The following SUCLG2 variants were observed in gnomAD, a reference collection of about 807,000 sequenced individuals.
SUCLG2 encodes succinate-CoA ligase GDP-forming subunit beta.
SUCLG2 carries 42 observed loss-of-function variants against 47.9 expected under a neutral mutation model. The observed-to-expected ratio is 0.88, with a 90% CI of 0.69 to 1.14. SUCLG2 has a LOEUF of 1.14. Ranked by LOEUF, SUCLG2 falls within the 50% of genes most tolerant of loss-of-function variation. The pLI is 0.00. For synonymous variants in SUCLG2, 195 were observed against 197.3 expected (o/e 0.99, Z 0.10); for missense variants, 571 against 525.9 (o/e 1.09, Z -0.84).
intron 9 of SUCLG2, among the ~76,000 whole-genome samples, chr3:67,415,931 C>A (rs1235877242): frequency 1.3e-5 from 2 of 152,178 alleles, no homozygotes; most frequent in African/African-American, 4.8e-5. Context: ...TATTTGTTCT[C>A]TCTCTTGGAT....
chr3:67,438,089 C>T (rs139410963), intron 9 of SUCLG2, among the ~76,000 whole-genome samples: 54 of 152,242 alleles, frequency 3.5e-4, no homozygotes, highest in African/African-American at 1.1e-3. Flanking sequence ...CTCAAAACCA[C>T]GCAACTACGT....
At chr3:67,576,509 A>G (rs893716258) in intron 2 of SUCLG2, among the ~76,000 whole-genome samples, 1 of 152,240 alleles carries the variant, frequency 6.6e-6, no homozygotes, top group Admixed American at 6.5e-5. Flanking sequence ...TCCTCTTTAA[A>G]TAGAAAATAG....
chr3:67,620,521 G>T (rs552572554), intron 1 of SUCLG2, among the ~76,000 whole-genome samples: 1 of 137,938 alleles, frequency 7.2e-6, no homozygotes, highest in African/African-American at 2.7e-5. Context: ...GGAGGCAGAG[G>T]TTGCAGTGAA....
chr3:67,562,092 G>C (rs1449182289), intron 2 of SUCLG2, among the ~76,000 whole-genome samples: 1 of 152,078 alleles, frequency 6.6e-6, no homozygotes, highest in Admixed American at 6.5e-5. Context: ...GAGGATGAAC[G>C]ACTACTGTAA....
At position 67,498,313 on chromosome 3, in the gene SUCLG2, C is replaced by A; in HGVS notation, c.758-18G>T. ...ACAGACAACTAAATAAAGAAGAAAA[C>A]AATCATACTTGAATATCTCTTGAGG... On this transcript the variant is annotated intron_variant, in intron 7 of 10. Transcript: ENST00000307227. 1 of 1,604,920 alleles carries A rather than the reference C, an allele frequency of 6.2e-7. No individual in the cohort carries two copies. Among genetic ancestry groups the A allele is most frequent in the Non-Finnish European group, 8.5e-7 (1 of 1,174,838 alleles).
intron 9 of SUCLG2, among the ~76,000 whole-genome samples, chr3:67,464,688 C>T (rs1704427364): frequency 6.6e-6 from 1 of 152,212 alleles, no homozygotes; most frequent in African/African-American, 2.4e-5. Context: ...TTATTAATCA[C>T]ATTTAGGCAA....
chr3:67,391,013 G>A (rs925795271), intron 10 of SUCLG2, among the ~76,000 whole-genome samples: 4 of 152,050 alleles, frequency 2.6e-5, no homozygotes, highest in Non-Finnish European at 5.9e-5. Flanking sequence ...AATAAACCTC[G>A]AGATAATTTG....
intron 9 of SUCLG2, among the ~76,000 whole-genome samples, chr3:67,416,575 TA>T (rs1216505895): frequency 6.6e-6 from 1 of 152,170 alleles, no homozygotes; most frequent in African/African-American, 2.4e-5. Flanking sequence ...CTGACATGAG[TA>T]AGTTGGGCTG....
intron 7 of SUCLG2, among the ~76,000 whole-genome samples, chr3:67,503,788 T>C (rs1408397393): frequency 6.6e-6 from 1 of 152,212 alleles, no homozygotes; most frequent in Non-Finnish European, 1.5e-5. Flanking sequence ...TCTGAACGAA[T>C]ATCAAAGAAA....
At chr3:67,589,915 G>C (rs1292901378) in intron 2 of SUCLG2, among the ~76,000 whole-genome samples, 1 of 152,214 alleles carries the variant, frequency 6.6e-6, no homozygotes, top group Non-Finnish European at 1.5e-5. Context: ...CACTCTGAAG[G>C]TATGTTTGTC....
At position 67,375,216 on chromosome 3, in the gene SUCLG2, T is replaced by C; in HGVS notation, c.*528A>G. ...CAAACATATGTTAGAATTAGAAACC[T>C]GTAAAATCTGCAGTAGTGTGTAATA... is the stretch of plus-strand genomic sequence containing the variant. On this transcript the variant is annotated 3_prime_UTR_variant, in exon 11 of 11. Coordinates refer to ENST00000307227, the MANE Select transcript of SUCLG2 (RefSeq NM_003848.4). 1.0e-6 allele frequency: 1 copy of C among 985,890 alleles called. No homozygotes were observed. The highest frequency in any genetic ancestry group is 1.2e-6 in the Non-Finnish European group (1 of 829,920). The allele number at this position is 985,890 out of a possible 1,614,324, so 61.1% of individuals were successfully genotyped here.
intron 2 of SUCLG2, among the ~76,000 whole-genome samples, chr3:67,580,179 CCCT>C (rs1327786126): frequency 6.6e-6 from 1 of 151,794 alleles, no homozygotes; most frequent in Non-Finnish European, 1.5e-5. Context: ...ACGTAAAAAT[CCCT>C]CCTCTTTTTT....
rs540108872 is a variant in SUCLG2, at chr3:67,457,752, C to T, written c.1062+38046G>A. On this transcript the variant is annotated intron_variant, in intron 9 of 10. Transcript: ENST00000307227. ...AAAACAGCTACCACTACTATTACTA[C>T]TATACTGCAAGAGAGCAATAACATT... is the stretch of plus-strand genomic sequence containing the variant. 4.2e-5 allele frequency among the ~76,000 whole-genome samples: 5 copies of T among 119,476 alleles called. No individual in the cohort carries two copies. In the South Asian group the frequency reaches 1.5e-3, roughly 35 times the overall value. 78.4% of individuals were successfully genotyped at this position (119,476 alleles called of 152,430 possible). A position where few individuals can be genotyped will look rare whatever the true frequency, so the allele number is the denominator to read the frequency against.
chr3:67,366,420 T>A (rs1575651085), intron 10 of SUCLG2, among the ~76,000 whole-genome samples: 1 of 152,164 alleles, frequency 6.6e-6, no homozygotes, highest in Non-Finnish European at 1.5e-5. Context: ...CCAGTTCAAG[T>A]GAGTAGTTCT....
At chr3:67,439,608 C>A (rs55957459) in intron 9 of SUCLG2, among the ~76,000 whole-genome samples, 49,233 of 151,926 alleles carry the variant, frequency 0.32, 8,218 homozygotes, top group South Asian at 0.42. Context: ...AGAGCCAAAT[C>A]ATGAGTGAAC....
intron 6 of SUCLG2, 91 bp downstream of exon 6, chr3:67,518,156 C>T (rs1190137619): frequency 4.9e-6 from 5 of 1,024,058 alleles, no homozygotes; most frequent in Middle Eastern, 2.1e-4. Context: ...ATCCTGTTTC[C>T]TGGTAATCAC....
chr3:67,537,832 CT>C (rs1378486774), intron 2 of SUCLG2, among the ~76,000 whole-genome samples: 1 of 152,178 alleles, frequency 6.6e-6, no homozygotes, highest in Non-Finnish European at 1.5e-5. Flanking sequence ...TGATGATAAG[CT>C]TTTTTTCATG....
intron 9 of SUCLG2, among the ~76,000 whole-genome samples, chr3:67,407,909 C>A (rs1702851294): frequency 6.6e-6 from 1 of 151,976 alleles, no homozygotes; most frequent in Non-Finnish European, 1.5e-5. Context: ...CACTGGCAGC[C>A]AACGAAGGAA....
intron 9 of SUCLG2, among the ~76,000 whole-genome samples, chr3:67,458,266 G>A (rs1380791801): frequency 1.3e-5 from 2 of 152,156 alleles, no homozygotes; most frequent in African/African-American, 2.4e-5. Flanking sequence ...GGTTTGCTAT[G>A]CAGAAATAAT....
Sources: gnomAD v4.1 joint callset for allele counts (sites outside exome capture counted in the v4.1 genomes callset) on GRCh38, gnomAD v4.1.1 for gene constraint, MANE v1.5 for transcripts, NCBI Gene and HGNC (gene_info 2026-07-23, HGNC 2026-07-21) for gene names.